IGF2BP2: variants seen among roughly 807,000 people sequenced by gnomAD.
IGF2BP2 encodes insulin like growth factor 2 mRNA binding protein 2.
A neutral mutation model predicts 75.8 loss-of-function variants in IGF2BP2; 17 were observed. The ratio of observed to expected loss-of-function variants is 0.22; its 90% CI spans 0.15 to 0.34. The LOEUF is 0.34. Among genes scored for constraint, IGF2BP2 ranks in the 10% least tolerant of loss-of-function variants. The pLI is 1.00. For synonymous variants in IGF2BP2, 288 were observed against 295.6 expected, an observed-to-expected ratio of 0.97 and a Z score of 0.26; for missense variants, 516 against 772.4, an observed-to-expected ratio of 0.67 and a Z score of 3.93.
At chr3:185,749,333 A>G (rs1343459860) in intron 2 of IGF2BP2, among the ~76,000 whole-genome samples, 1 of 152,264 alleles carries the variant, frequency 6.6e-6, no homozygotes, top group Non-Finnish European at 1.5e-5. Flanking sequence ...CTAGAGGCAG[A>G]AAAAAACTGA....
At chr3:185,753,528 C>T (rs772192719) in intron 2 of IGF2BP2, among the ~76,000 whole-genome samples, 2 of 152,132 alleles carry the variant, frequency 1.3e-5, no homozygotes, top group Non-Finnish European at 2.9e-5. Flanking sequence ...CTGTGTCACA[C>T]GAAGATAAGG....
chr3:185,745,208 T>C (rs1033453741), intron 2 of IGF2BP2, among the ~76,000 whole-genome samples: 2 of 152,180 alleles, frequency 1.3e-5, no homozygotes, highest in East Asian at 3.9e-4. Context: ...CCCTTTCCCA[T>C]GAACTCTCTG....
chr3:185,689,967 C>CAAAA (rs5855070), intron 5 of IGF2BP2, among the ~76,000 whole-genome samples: 269 of 118,160 alleles, frequency 2.3e-3, no homozygotes, highest in African/African-American at 8.2e-3. Context: ...GACTCCGTCT[C>CAAAA]AAAAAAAAAA....
chr3:185,771,223 T>C (rs1291386582), intron 2 of IGF2BP2, among the ~76,000 whole-genome samples: 1 of 152,118 alleles, frequency 6.6e-6, no homozygotes, highest in Admixed American at 6.5e-5. Flanking sequence ...GCCGATCACT[T>C]GAGGCCAGGA....
chr3:185,811,875 T>A (rs981861244), intron 2 of IGF2BP2, among the ~76,000 whole-genome samples: 1 of 49,290 alleles, frequency 2.0e-5, no homozygotes, highest in Non-Finnish European at 3.3e-5. Flanking sequence ...TCTCTCTCTC[T>A]CTCCCCCTCT....
intron 2 of IGF2BP2, among the ~76,000 whole-genome samples, chr3:185,715,453 G>A (rs771622616): frequency 1.5e-4 from 23 of 152,156 alleles, no homozygotes; most frequent in Non-Finnish European, 2.6e-4. Context: ...CGGGAGGCAG[G>A]TAAGCACAGC....
At chr3:185,700,350 T>C (rs1319502781) in intron 2 of IGF2BP2, among the ~76,000 whole-genome samples, 1 of 152,216 alleles carries the variant, frequency 6.6e-6, no homozygotes, top group Non-Finnish European at 1.5e-5. Flanking sequence ...TACTTCAGTC[T>C]TGTCTATCTT....
chr3:185,761,988 T>C (rs1051123966), intron 2 of IGF2BP2, among the ~76,000 whole-genome samples: 1 of 152,234 alleles, frequency 6.6e-6, no homozygotes, highest in Admixed American at 6.5e-5. Flanking sequence ...CTGTAGATAT[T>C]CTACCATGCT....
intron 2 of IGF2BP2, chr3:185,722,345 T>C (rs1726699282): frequency 2.3e-6 from 1 of 432,014 alleles, no homozygotes; most frequent in Admixed American, 2.7e-5. Context: ...TTCAGCTTCA[T>C]GGGTTATTTT....
chr3:185,743,503 T>G (rs113858788), intron 2 of IGF2BP2, among the ~76,000 whole-genome samples: 40,395 of 152,086 alleles, frequency 0.27, 6,021 homozygotes, highest in African/African-American at 0.41. Context: ...CTCAAACTCC[T>G]GACCTCAGGT....
intron 2 of IGF2BP2, among the ~76,000 whole-genome samples, chr3:185,797,701 C>T (rs905708081): frequency 1.3e-5 from 2 of 151,774 alleles, no homozygotes; most frequent in Non-Finnish European, 1.5e-5. Context: ...CCCAGGAGTT[C>T]GAGACCAGCC....
intron 2 of IGF2BP2, among the ~76,000 whole-genome samples, chr3:185,720,199 G>A (rs996449739): frequency 2.0e-5 from 3 of 152,188 alleles, no homozygotes; most frequent in Non-Finnish European, 4.4e-5. Flanking sequence ...CTAAGTGAGA[G>A]CACTAGAATA....
In IGF2BP2 at chr3:185,776,530, G is replaced by C. The variant is rs181438057; in HGVS notation, c.239+46623C>G. 9.7e-4 allele frequency among the ~76,000 whole-genome samples: 148 copies of C among 152,270 alleles called. 1 individual carries two copies. In the East Asian group the frequency reaches 0.018, roughly 19 times the overall value. On this transcript the variant is annotated intron_variant, in intron 2 of 15. Coordinates refer to ENST00000382199, the MANE Select transcript of IGF2BP2 (RefSeq NM_006548.6). ...GGGAAAGGATGCTGAGCCTCGTTTT[G>C]AACGTGTTGAGTTGAGGGACTTAGG...
At chr3:185,711,984 GT>G (rs1724866355) in intron 2 of IGF2BP2, among the ~76,000 whole-genome samples, 2 of 152,190 alleles carry the variant, frequency 1.3e-5, no homozygotes, top group Admixed American at 6.5e-5. Context: ...TGGTCCTGAT[GT>G]GCTCAGGAGA....
rs369642968 is a variant in IGF2BP2 at position 185,824,922 on chromosome 3, G to C, written c.39C>G (p.Ala13=). ...NKLYIGNLSP[A]VTADDLRQLF... Reference sequence around the variant, plus strand: ...GCTGCCGGAGGTCGTCGGCGGTGACGGCGGGGCTCAGGTTCCCGATGTAAA... The same window carrying C: ...GCTGCCGGAGGTCGTCGGCGGTGACCGCGGGGCTCAGGTTCCCGATGTAAA... The change falls in exon 1 of 16, where the codon GCC becomes GCG. Residue 13 remains alanine (A), a synonymous_variant. Coordinates refer to ENST00000382199, the MANE Select transcript of IGF2BP2 (RefSeq NM_006548.6). 5.9e-5 allele frequency: 92 copies of C among 1,563,976 alleles called. No homozygotes were observed. The highest frequency in any genetic ancestry group is 7.6e-5 in the Non-Finnish European group (88 of 1,152,500).
Position 185,677,068 on chromosome 3 carries a change from T to TATATAG in IGF2BP2, c.813-1156_813-1155insCTATAT. 3.2e-3 allele frequency among the ~76,000 whole-genome samples: 113 copies of TATATAG among 35,860 alleles called. 2 individuals carry two copies. The highest frequency in any genetic ancestry group is 3.9e-3 in the Non-Finnish European group (83 of 21,536). 23.5% of individuals were successfully genotyped at this position (35,860 alleles called of 152,430 possible). A position where few individuals can be genotyped will look rare whatever the true frequency, so the allele number is the denominator to read the frequency against. On this transcript the variant is annotated intron_variant, in intron 7 of 15. Coordinates refer to ENST00000382199, the MANE Select transcript of IGF2BP2 (RefSeq NM_006548.6). Reference sequence around the variant, plus strand: ...AGATATATATATATATATATATATATAGAGAGAGAGAGAGAGAGAGAGAGA... The same window carrying TATATAG: ...AGATATATATATATATATATATATATATATAGAGAGAGAGAGAGAGAGAGAGAGAGA...
At chr3:185,779,323 G>A (rs747097345) in intron 2 of IGF2BP2, among the ~76,000 whole-genome samples, 2 of 152,064 alleles carry the variant, frequency 1.3e-5, no homozygotes, top group Admixed American at 6.6e-5. Flanking sequence ...AGAATTCTCT[G>A]CACAAAAGTA....
chr3:185,787,475 G>A (rs1390724053), intron 2 of IGF2BP2, among the ~76,000 whole-genome samples: 1 of 152,238 alleles, frequency 6.6e-6, no homozygotes, highest in Non-Finnish European at 1.5e-5. Flanking sequence ...GCTCACGCCT[G>A]TAATCCCTGC....
chr3:185,699,874 T>TA (rs767785979), intron 2 of IGF2BP2, among the ~76,000 whole-genome samples: 8 of 152,222 alleles, frequency 5.3e-5, no homozygotes, highest in Non-Finnish European at 1.0e-4. Context: ...TTGAATGACT[T>TA]AGATTGTTTC....
Sources: gnomAD v4.1 joint callset for allele counts (sites outside exome capture counted in the v4.1 genomes callset) on GRCh38, gnomAD v4.1.1 for gene constraint, MANE v1.5 for transcripts, NCBI Gene and HGNC (gene_info 2026-07-23, HGNC 2026-07-21) for gene names.